Variants in SPOCK3 observed in about 807,000 individuals in gnomAD.
SPOCK3 encodes the protein SPARC (osteonectin), cwcv and kazal like domains proteoglycan 3.
SPOCK3 carries 30 observed loss-of-function variants against 56.6 expected under a neutral mutation model. The ratio of observed to expected loss-of-function variants is 0.53; its 90% CI spans 0.40 to 0.72. The LOEUF (loss-of-function observed/expected upper bound fraction) is 0.72. Ranked by LOEUF, SPOCK3 falls within the 30% of genes least tolerant of loss-of-function variation. SPOCK3 has a pLI of 0.00. For missense variants in SPOCK3, 527 were observed against 530.0 expected, an observed-to-expected ratio of 0.99 and a Z score of 0.06; for synonymous variants, 196 against 183.3, an observed-to-expected ratio of 1.07 and a Z score of -0.56.
chr4:166,942,316 T>C (rs556924104), intron 4 of SPOCK3, among the ~76,000 whole-genome samples: 1 of 151,912 alleles, frequency 6.6e-6, no homozygotes, highest in South Asian at 2.1e-4. Context: ...GTTCAAGTGA[T>C]TTTCCAGCCT....
intron 6 of SPOCK3, among the ~76,000 whole-genome samples, chr4:166,811,520 T>C (rs1458501765): frequency 6.6e-6 from 1 of 151,880 alleles, no homozygotes; most frequent in East Asian, 1.9e-4. Flanking sequence ...GATTTTAGTA[T>C]CATCTTTGAT....
chr4:166,941,888 T>C (rs1046058387), intron 4 of SPOCK3, among the ~76,000 whole-genome samples: 3 of 152,128 alleles, frequency 2.0e-5, no homozygotes, highest in Non-Finnish European at 4.4e-5. Flanking sequence ...GACTCCAGCC[T>C]AGCCAAAGCT....
chr4:167,187,817 C>T (rs978707668), intron 2 of SPOCK3, among the ~76,000 whole-genome samples: 2 of 152,050 alleles, frequency 1.3e-5, no homozygotes, highest in African/African-American at 4.8e-5. Flanking sequence ...TATTCTGACA[C>T]CATTAATTAC....
At chr4:166,938,955 CCACACA>C (rs59234659) in intron 4 of SPOCK3, among the ~76,000 whole-genome samples, 11 of 148,432 alleles carry the variant, frequency 7.4e-5, no homozygotes, top group South Asian at 2.2e-4. Context: ...CATACACACA[CCACACA>C]CACACACACA....
At chr4:166,778,311 T>C (rs528062387) in intron 7 of SPOCK3, among the ~76,000 whole-genome samples, 2 of 152,324 alleles carry the variant, frequency 1.3e-5, no homozygotes, top group South Asian at 4.1e-4. Context: ...GCCTGTATTA[T>C]CAATTTTACT....
At chr4:166,743,659 G>A (rs960151446) in intron 8 of SPOCK3, among the ~76,000 whole-genome samples, 7 of 152,176 alleles carry the variant, frequency 4.6e-5, no homozygotes, top group African/African-American at 1.4e-4. Flanking sequence ...GCGGGACATC[G>A]CCTCACCTGG....
At chr4:166,773,923 T>A (rs1739238552) in intron 7 of SPOCK3, among the ~76,000 whole-genome samples, 1 of 152,198 alleles carries the variant, frequency 6.6e-6, no homozygotes, top group African/African-American at 2.4e-5. Flanking sequence ...TCTTATACTC[T>A]GTAAATGTGT....
At chr4:166,980,576 C>G (rs1183660759) in intron 4 of SPOCK3, among the ~76,000 whole-genome samples, 1 of 152,198 alleles carries the variant, frequency 6.6e-6, no homozygotes, top group African/African-American at 2.4e-5. Context: ...CAAGGGCAAG[C>G]CAGGAGCAGA....
intron 3 of SPOCK3, among the ~76,000 whole-genome samples, chr4:167,058,353 A>G (rs1031276902): frequency 5.3e-5 from 8 of 152,202 alleles, no homozygotes; most frequent in African/African-American, 1.4e-4. Flanking sequence ...TTTTACACCA[A>G]TAACAGGCAA....
At chr4:166,932,900 G>T (rs1336965193) in intron 4 of SPOCK3, among the ~76,000 whole-genome samples, 1 of 152,110 alleles carries the variant, frequency 6.6e-6, no homozygotes, top group African/African-American at 2.4e-5. Context: ...TGTGTGTCTA[G>T]TATCCCTCTG....
chr4:166,807,994 A>G, intron 6 of SPOCK3, among the ~76,000 whole-genome samples: 1 of 152,102 alleles, frequency 6.6e-6, no homozygotes, highest in East Asian at 1.9e-4. Context: ...AGGCTGCAAA[A>G]CTTTAAATCA....
chr4:166,740,930 C>T (rs1287898848), intron 9 of SPOCK3, among the ~76,000 whole-genome samples: 2 of 152,062 alleles, frequency 1.3e-5, no homozygotes, highest in African/African-American at 2.4e-5. Context: ...AATTTTCACA[C>T]CTAAAAATGT....
At chr4:166,905,531 T>C (rs1736515903) in intron 5 of SPOCK3, among the ~76,000 whole-genome samples, 1 of 152,016 alleles carries the variant, frequency 6.6e-6, no homozygotes, top group African/African-American at 2.4e-5. Context: ...TTTTTTTACA[T>C]GCAAAAATCT....
At chr4:167,202,383 A>G (rs1319177434) in intron 2 of SPOCK3, among the ~76,000 whole-genome samples, 1 of 151,986 alleles carries the variant, frequency 6.6e-6, no homozygotes, top group African/African-American at 2.4e-5. Context: ...AGAAAGAAAA[A>G]ATAGATTGTC....
intron 2 of SPOCK3, among the ~76,000 whole-genome samples, chr4:167,201,146 C>A (rs897917512): frequency 6.6e-6 from 1 of 151,644 alleles, no homozygotes; most frequent in African/African-American, 2.4e-5. Flanking sequence ...AGAGAAAAGT[C>A]AAGAGAAGAA....
At chr4:166,960,124 T>C (rs1254384033) in intron 4 of SPOCK3, among the ~76,000 whole-genome samples, 2 of 152,218 alleles carry the variant, frequency 1.3e-5, no homozygotes, top group Non-Finnish European at 2.9e-5. Flanking sequence ...TGGAAATGTT[T>C]GATTTGAAAA....
chr4:167,226,086 C>A (rs1056849851), intron 2 of SPOCK3, among the ~76,000 whole-genome samples: 1 of 152,102 alleles, frequency 6.6e-6, no homozygotes, highest in South Asian at 2.1e-4. Flanking sequence ...ACCATTAATG[C>A]CTTAACACAA....
intron 6 of SPOCK3, among the ~76,000 whole-genome samples, chr4:166,858,484 G>GCT (rs1730914781): frequency 6.6e-6 from 1 of 152,164 alleles, no homozygotes; most frequent in Admixed American, 6.5e-5. Flanking sequence ...TGTAAGTACA[G>GCT]AGTAAATAGG....
At chr4:167,058,030 C>G (rs554767358) in intron 3 of SPOCK3, among the ~76,000 whole-genome samples, 5 of 152,084 alleles carry the variant, frequency 3.3e-5, no homozygotes, top group Admixed American at 3.3e-4. Context: ...TGACCACATA[C>G]TTTGAAGTAA....
Sources: allele counts gnomAD v4.1 joint callset (sites outside exome capture counted in the v4.1 genomes callset), GRCh38; gene constraint gnomAD v4.1.1; transcripts MANE v1.5; gene names NCBI Gene and HGNC (gene_info 2026-07-23, HGNC 2026-07-21).